MYO10: variants seen among roughly 807,000 people sequenced by gnomAD.
The protein encoded by MYO10 is unconventional myosin-X.
A neutral mutation model predicts 257.3 loss-of-function variants in MYO10; 133 were observed. The ratio of observed to expected loss-of-function variants is 0.52; its 90% CI spans 0.45 to 0.60. MYO10 has a LOEUF of 0.60. Ranked by LOEUF, MYO10 falls within the 20% of genes least tolerant of loss-of-function variation. The pLI, the probability that MYO10 is intolerant of heterozygous loss-of-function variation, is 0.00. For missense variants in MYO10, 2,399 were observed against 2,635.7 expected (o/e 0.91, Z 1.97); for synonymous variants, 1,104 against 1,028.6 (o/e 1.07, Z -1.40).
intron 2 of MYO10, among the ~76,000 whole-genome samples, chr5:16,863,321 A>G (rs1744156588): frequency 6.6e-6 from 1 of 152,158 alleles, no homozygotes; most frequent in Non-Finnish European, 1.5e-5. Flanking sequence ...TGTTCAGTCC[A>G]AAGGGGCTGG....
chr5:16,743,472 A>T (rs1207925154), intron 19 of MYO10, among the ~76,000 whole-genome samples: 1 of 151,978 alleles, frequency 6.6e-6, no homozygotes, highest in Non-Finnish European at 1.5e-5. Flanking sequence ...ATGAAATCCC[A>T]TCTCTATTAA....
intron 1 of MYO10, among the ~76,000 whole-genome samples, chr5:16,904,773 C>T (rs1745476362): frequency 6.6e-6 from 1 of 152,026 alleles, no homozygotes; most frequent in South Asian, 2.1e-4. Flanking sequence ...ACTAAAAATT[C>T]AAAAAATTAG....
At chr5:16,760,959 C>CT in intron 17 of MYO10, among the ~76,000 whole-genome samples, 1 of 144,268 alleles carries the variant, frequency 6.9e-6, no homozygotes, top group Non-Finnish European at 1.5e-5. Context: ...GCAGTCATTG[C>CT]TTATATTATT....
intron 2 of MYO10, among the ~76,000 whole-genome samples, chr5:16,839,497 A>G (rs1580059358): frequency 6.6e-6 from 1 of 152,290 alleles, no homozygotes; most frequent in East Asian, 1.9e-4. Flanking sequence ...CAATTCCAGC[A>G]CTTTGGGGGG....
intron 4 of MYO10, among the ~76,000 whole-genome samples, chr5:16,791,264 C>T (rs775154502): frequency 1.6e-4 from 24 of 152,156 alleles, no homozygotes; most frequent in Non-Finnish European, 2.8e-4. Flanking sequence ...AGGGCTCCTA[C>T]GTCCAGCAAC....
chr5:16,777,804 T>TATCATTA (rs1741263108), intron 9 of MYO10, among the ~76,000 whole-genome samples: 1 of 149,738 alleles, frequency 6.7e-6, no homozygotes, highest in South Asian at 2.1e-4. Flanking sequence ...ATGATTAGAA[T>TATCATTA]GATAATGACG....
At chr5:16,750,206 T>C (rs1740341441) in intron 19 of MYO10, among the ~76,000 whole-genome samples, 1 of 152,142 alleles carries the variant, frequency 6.6e-6, no homozygotes, top group Non-Finnish European at 1.5e-5. Context: ...AGCAGGCTTT[T>C]CTAGGTGCTT....
At chr5:16,736,840 G>A (rs192279128) in intron 19 of MYO10, among the ~76,000 whole-genome samples, 89 of 152,210 alleles carry the variant, frequency 5.8e-4, no homozygotes, top group African/African-American at 2.0e-3. Flanking sequence ...ATAATCCAGC[G>A]GGATTTGTTT....
intron 19 of MYO10, among the ~76,000 whole-genome samples, chr5:16,732,991 A>G (rs1424867150): frequency 6.6e-6 from 1 of 152,148 alleles, no homozygotes; most frequent in Non-Finnish European, 1.5e-5. Flanking sequence ...AAAATTAGCC[A>G]GGCATGGTAG....
intron 1 of MYO10, among the ~76,000 whole-genome samples, chr5:16,880,086 A>G (rs575232506): frequency 6.6e-6 from 1 of 152,228 alleles, no homozygotes; most frequent in African/African-American, 2.4e-5. Context: ...AGGCTGAGGC[A>G]GGAGAATTGC....
chr5:16,693,504 T>C (rs887098278), intron 27 of MYO10, among the ~76,000 whole-genome samples: 14 of 152,232 alleles, frequency 9.2e-5, no homozygotes, highest in African/African-American at 3.4e-4. Context: ...TAAAAGACTT[T>C]CTTCTCCTCA....
chr5:16,930,839 C>A (rs1469478305), intron 1 of MYO10, among the ~76,000 whole-genome samples: 1 of 152,224 alleles, frequency 6.6e-6, no homozygotes, highest in Non-Finnish European at 1.5e-5. Flanking sequence ...TGCACTCAGC[C>A]TGGGGGCAGT....
intron 21 of MYO10, among the ~76,000 whole-genome samples, chr5:16,706,000 T>C (rs1012963425): frequency 2.6e-5 from 4 of 151,988 alleles, no homozygotes; most frequent in South Asian, 2.1e-4. Flanking sequence ...CTGGCCAACA[T>C]GGGGAAATCC....
chr5:16,905,443 A>G (rs1249771967), intron 1 of MYO10, among the ~76,000 whole-genome samples: 1 of 152,134 alleles, frequency 6.6e-6, no homozygotes, highest in East Asian at 1.9e-4. Context: ...AAGGAGCAAC[A>G]AAAGGAATAT....
chr5:16,804,279 C>T (rs1409164383), intron 3 of MYO10, among the ~76,000 whole-genome samples: 1 of 152,204 alleles, frequency 6.6e-6, no homozygotes, highest in East Asian at 1.9e-4. Flanking sequence ...AGGGCCTCAC[C>T]TTGCATTGAC....
chr5:16,820,932 CTT>C (rs1490020219), intron 2 of MYO10, among the ~76,000 whole-genome samples: 2 of 146,912 alleles, frequency 1.4e-5, no homozygotes, highest in African/African-American at 5.0e-5. Context: ...TATAAAACAT[CTT>C]ATATATTATA....
At chr5:16,852,435 T>G (rs1743836940) in intron 2 of MYO10, among the ~76,000 whole-genome samples, 1 of 152,086 alleles carries the variant, frequency 6.6e-6, no homozygotes, top group African/African-American at 2.4e-5. Context: ...ATGCATTCAT[T>G]CAGAAGAGTT....
At chr5:16,738,939 G>T (rs2126628864) in intron 19 of MYO10, among the ~76,000 whole-genome samples, 1 of 146,552 alleles carries the variant, frequency 6.8e-6, no homozygotes, top group African/African-American at 2.5e-5. Context: ...AGAAAAGGTT[G>T]CAACAATTTA....
intron 2 of MYO10, among the ~76,000 whole-genome samples, chr5:16,818,389 T>C (rs866565555): frequency 1.1e-3 from 106 of 93,228 alleles, no homozygotes; most frequent in East Asian, 8.2e-3. Flanking sequence ...TGCGTGTGTG[T>C]GTGTGTGTGT....
Sources: allele counts gnomAD v4.1 joint callset (sites outside exome capture counted in the v4.1 genomes callset), GRCh38; gene constraint gnomAD v4.1.1; transcripts MANE v1.5; gene names NCBI Gene and HGNC (gene_info 2026-07-23, HGNC 2026-07-21).